Variants in ZNF385D observed in about 807,000 individuals in gnomAD.
The protein encoded by ZNF385D is zinc finger protein 659.
ZNF385D carries 15 observed loss-of-function variants against 35.8 expected under a neutral mutation model. The ratio of observed to expected loss-of-function variants is 0.42; its 90% CI spans 0.28 to 0.64. ZNF385D has a LOEUF of 0.64. Ranked by LOEUF, ZNF385D falls within the 30% of genes least tolerant of loss-of-function variation. The probability of loss-of-function intolerance (pLI) is 0.23; values close to 1 mark genes in which losing one functional copy is unlikely to be tolerated. For synonymous variants in ZNF385D, 212 were observed against 186.8 expected, an observed-to-expected ratio of 1.13 and a Z score of -1.10; for missense variants, 474 against 494.6, an observed-to-expected ratio of 0.96 and a Z score of 0.39.
intron 2 of ZNF385D, among the ~76,000 whole-genome samples, chr3:22,344,177 G>GGGGGGTGTGTGTGTGT (rs1553652922): frequency 3.6e-5 from 5 of 140,756 alleles, no homozygotes; most frequent in African/African-American, 1.1e-4. Context: ...GGTGGGGTGG[G>GGGGGGTGTGTGTGTGT]GTGTGTGTGT....
chr3:22,214,752 C>A (rs1576507276), intron 2 of ZNF385D, among the ~76,000 whole-genome samples: 1 of 152,014 alleles, frequency 6.6e-6, no homozygotes, highest in Non-Finnish European at 1.5e-5. Context: ...GCTCTCAAAC[C>A]CTGTCTCCTG....
chr3:22,188,785 G>A (rs1301920744), intron 2 of ZNF385D, among the ~76,000 whole-genome samples: 2 of 152,148 alleles, frequency 1.3e-5, no homozygotes, highest in African/African-American at 4.8e-5. Flanking sequence ...CAAATATCTA[G>A]AGAAATATCT....
intron 4 of ZNF385D, among the ~76,000 whole-genome samples, chr3:21,440,027 G>A (rs923551489): frequency 6.6e-6 from 1 of 151,924 alleles, no homozygotes; most frequent in African/African-American, 2.4e-5. Flanking sequence ...CATAAAGATA[G>A]GAATACTATT....
At chr3:21,538,587 A>AAGTT (rs1187049010) in intron 3 of ZNF385D, among the ~76,000 whole-genome samples, 2 of 152,050 alleles carry the variant, frequency 1.3e-5, no homozygotes, top group Non-Finnish European at 2.9e-5. Context: ...AACTTGTTTC[A>AAGTT]AGTTAGAGGA....
At chr3:22,221,675 T>C (rs1005097828) in intron 2 of ZNF385D, among the ~76,000 whole-genome samples, 3 of 152,202 alleles carry the variant, frequency 2.0e-5, no homozygotes, top group Non-Finnish European at 4.4e-5. Flanking sequence ...TCATTTGTTC[T>C]TTTTAACTTG....
At chr3:22,235,460 A>C (rs948093337) in intron 2 of ZNF385D, among the ~76,000 whole-genome samples, 8 of 152,114 alleles carry the variant, frequency 5.3e-5, no homozygotes, top group Non-Finnish European at 7.4e-5. Context: ...AGATCAATAG[A>C]ACTAAAATAT....
chr3:22,253,402 G>T (rs17011105), intron 2 of ZNF385D, among the ~76,000 whole-genome samples: 1 of 151,956 alleles, frequency 6.6e-6, no homozygotes, highest in Non-Finnish European at 1.5e-5. Context: ...TGCAGGTTTT[G>T]AATCTCAACT....
rs925202235 is a variant in ZNF385D, at chr3:21,999,648, A to G, written c.325+169169T>C. ...CCTCTGACACTCAGTGTTCTTACAC[A>G]TTAAATGAGATTTATACTAGTAAGA... On this transcript the variant is annotated intron_variant, in intron 3 of 5. Coordinates refer to the ZNF385D transcript ENST00000494108. Among the ~76,000 whole-genome samples, 5 of 152,196 alleles carry G rather than the reference A, an allele frequency of 3.3e-5. No individual in the cohort carries two copies. In the East Asian group the frequency reaches 7.7e-4, roughly 23 times the overall value.
chr3:21,462,200 T>C (rs1381392538), intron 4 of ZNF385D, among the ~76,000 whole-genome samples: 2 of 152,164 alleles, frequency 1.3e-5, no homozygotes, highest in East Asian at 3.9e-4. Flanking sequence ...CTAATTTTAA[T>C]CTCTTTTCTA....
At chr3:21,588,356 A>G (rs2063873269) in intron 2 of ZNF385D, among the ~76,000 whole-genome samples, 1 of 152,174 alleles carries the variant, frequency 6.6e-6, no homozygotes, top group African/African-American at 2.4e-5. Context: ...TTTCTGATTA[A>G]TTACTAGCTG....
At chr3:22,133,390 G>A (rs1317961519) in intron 3 of ZNF385D, among the ~76,000 whole-genome samples, 2 of 151,974 alleles carry the variant, frequency 1.3e-5, no homozygotes, top group Non-Finnish European at 2.9e-5. Context: ...GTGTGTGAAA[G>A]ACAGGGAGGG....
intron 2 of ZNF385D, among the ~76,000 whole-genome samples, chr3:22,188,337 A>T (rs558805455): frequency 1.3e-5 from 2 of 152,278 alleles, no homozygotes; most frequent in Admixed American, 1.3e-4. Context: ...GCTAAATCCT[A>T]CCTATAATAG....
chr3:21,681,137 G>T (rs188357430), intron 1 of ZNF385D, among the ~76,000 whole-genome samples: 1 of 152,000 alleles, frequency 6.6e-6, no homozygotes, highest in African/African-American at 2.4e-5. Context: ...AAGGAACTCA[G>T]AGTCTCCTAT....
intron 3 of ZNF385D, among the ~76,000 whole-genome samples, chr3:21,884,090 T>C (rs750228383): frequency 6.6e-5 from 10 of 152,006 alleles, no homozygotes; most frequent in Non-Finnish European, 1.2e-4. Flanking sequence ...AAGGGAGACA[T>C]AGGATAAGAC....
intron 2 of ZNF385D, among the ~76,000 whole-genome samples, chr3:22,354,321 ATTAGAG>A (rs1448747673): frequency 1.3e-5 from 2 of 152,114 alleles, no homozygotes; most frequent in Non-Finnish European, 2.9e-5. Flanking sequence ...TACAGTAAGG[ATTAGAG>A]TTAATGTATG....
intron 2 of ZNF385D, among the ~76,000 whole-genome samples, chr3:22,182,942 A>G (rs1347094260): frequency 1.3e-5 from 2 of 152,158 alleles, no homozygotes; most frequent in Non-Finnish European, 2.9e-5. Flanking sequence ...AAATAGAGAA[A>G]TGATGGATAT....
At chr3:22,149,311 G>A (rs1705076665) in intron 3 of ZNF385D, among the ~76,000 whole-genome samples, 1 of 152,036 alleles carries the variant, frequency 6.6e-6, no homozygotes. Flanking sequence ...AGAACTAATA[G>A]TAATTACAGA....
intron 3 of ZNF385D, among the ~76,000 whole-genome samples, chr3:21,780,072 A>G (rs1029789161): frequency 6.6e-6 from 1 of 151,904 alleles, no homozygotes; most frequent in Non-Finnish European, 1.5e-5. Flanking sequence ...AAATTAGTGA[A>G]TAGTCCACAC....
chr3:21,771,081 G>T (rs143338556), intron 3 of ZNF385D, among the ~76,000 whole-genome samples: 1 of 148,240 alleles, frequency 6.7e-6, no homozygotes, highest in Admixed American at 6.8e-5. Flanking sequence ...CACACACTGG[G>T]GCCTGTTGTG....
Sources: gnomAD v4.1 joint callset for allele counts (sites outside exome capture counted in the v4.1 genomes callset) on GRCh38, gnomAD v4.1.1 for gene constraint, MANE v1.5 for transcripts, NCBI Gene and HGNC (gene_info 2026-07-23, HGNC 2026-07-21) for gene names.